UTP18: variants seen among roughly 807,000 people sequenced by gnomAD.
UTP18 encodes the protein U3 small nucleolar RNA-associated protein 18 homolog.
UTP18 carries 36 observed loss-of-function variants against 61.1 expected under a neutral mutation model. The observed-to-expected ratio is 0.59, with a 90% CI of 0.45 to 0.78. The LOEUF (loss-of-function observed/expected upper bound fraction) is 0.78, where lower values mean the gene tolerates loss of function less well. Among genes scored for constraint, UTP18 ranks in the 30% least tolerant of loss-of-function variants. UTP18 has a pLI of 0.00. For missense variants in UTP18, 753 were observed against 693.9 expected, an observed-to-expected ratio of 1.09 and a Z score of -0.96; for synonymous variants, 282 against 251.1, an observed-to-expected ratio of 1.12 and a Z score of -1.16.
At chr17:51,269,729 C>G (rs1436253408) in intron 4 of UTP18, among the ~76,000 whole-genome samples, 2 of 152,142 alleles carry the variant, frequency 1.3e-5, no homozygotes, top group Non-Finnish European at 2.9e-5. Flanking sequence ...GTCTTTGTTT[C>G]TAGCCATTTG....
intron 3 of UTP18, 65 bp downstream of exon 3, chr17:51,266,345 T>A: frequency 8.9e-7 from 1 of 1,117,930 alleles, no homozygotes; most frequent in Non-Finnish European, 1.2e-6. Flanking sequence ...TCATTAACCG[T>A]AACCGCTTCT....
In UTP18 at chr17:51,284,985, C is replaced by T. The variant is rs147000436; in HGVS notation, c.1205-260C>T. On this transcript the variant is annotated intron_variant, in intron 9 of 13. Coordinates refer to ENST00000225298, the MANE Select transcript of UTP18 (RefSeq NM_016001.3). ...CTGAGGCAGGAAAATCACTTGAACC[C>T]GGGAGAAGGAGGTTGCAGTGTGCTG... Among the ~76,000 whole-genome samples, 16 of 151,434 alleles carry T rather than the reference C, an allele frequency of 1.1e-4. No individual in the cohort carries two copies. The East Asian group carries it at 2.3e-3, about 22-fold the overall frequency.
rs1245132126 is a variant in UTP18 at position 51,269,179 on chromosome 17, TGGG to T, written c.622+279_622+281del. On this transcript the variant is annotated intron_variant, in intron 4 of 13. Coordinates refer to ENST00000225298, the MANE Select transcript of UTP18 (RefSeq NM_016001.3). ...GTATGTTCCTGTAGTCCCGACTACT[TGGG>T]GGGCTGAGGTGGGAGGATTGCTTGA... Among the ~76,000 whole-genome samples, 28 of 150,746 alleles carry T rather than the reference TGGG, an allele frequency of 1.9e-4. No homozygotes were observed. In the Admixed American group the frequency reaches 1.9e-3, roughly 10 times the overall value.
Position 51,264,331 on chromosome 17 carries a change from C to T in UTP18, c.455+945C>T, listed in dbSNP as rs2055538014. ...AAAGTGCTGAGATTACAGGCGTGAA[C>T]TGCTGTGCCCAGCCTTATTTTTCCC... On this transcript the variant is annotated intron_variant, in intron 2 of 13. Coordinates refer to ENST00000225298, the MANE Select transcript of UTP18 (RefSeq NM_016001.3). Among the ~76,000 whole-genome samples, 4 of 152,308 alleles carry T rather than the reference C, an allele frequency of 2.6e-5. 1 individual carries two copies. In the South Asian group the frequency reaches 8.3e-4, roughly 32 times the overall value.
At chr17:51,276,672 A>C (rs1022043426) in intron 6 of UTP18, among the ~76,000 whole-genome samples, 50 of 152,340 alleles carry the variant, frequency 3.3e-4, no homozygotes, top group Admixed American at 2.1e-3. Context: ...ACATGGTCAC[A>C]AATGTAACCA....
At chr17:51,274,055 C>G (rs948958095) in intron 5 of UTP18, among the ~76,000 whole-genome samples, 4 of 152,166 alleles carry the variant, frequency 2.6e-5, no homozygotes, top group East Asian at 1.9e-4. Flanking sequence ...TTGCCTGGAT[C>G]CTTAGCCTCA....
At chr17:51,276,886 A>G (rs1211184559) in intron 6 of UTP18, among the ~76,000 whole-genome samples, 2 of 152,010 alleles carry the variant, frequency 1.3e-5, no homozygotes, top group African/African-American at 2.4e-5. Flanking sequence ...AGGGCACGCC[A>G]CCTCCTCAGC....
chr17:51,292,334 C>T (rs974435463), intron 11 of UTP18, among the ~76,000 whole-genome samples: 9 of 152,232 alleles, frequency 5.9e-5, no homozygotes, highest in South Asian at 2.1e-4. Flanking sequence ...CTCATTAGCA[C>T]CATTGCCTTC....
At chr17:51,294,079 C>G (rs1218811548) in intron 12 of UTP18, 34 bp downstream of exon 12, 1 of 1,516,224 alleles carries the variant, frequency 6.6e-7, no homozygotes, top group Non-Finnish European at 8.8e-7. Flanking sequence ...GTCAGAGATA[C>G]CTATAAACTA....
rs1904879534 is a variant in UTP18, at chr17:51,280,534, C to T, written c.1204+55C>T. ...ATATTTTTACATTTTAAATTTTAGG[C>T]CAGGCGCGGTGGCTCACGTGTGTAA... On this transcript the variant is annotated intron_variant, in intron 9 of 13. Transcript: ENST00000225298. 4.6e-5 allele frequency: 73 copies of T among 1,571,872 alleles called. No homozygotes were observed. The South Asian group carries it at 7.8e-4, about 17-fold the overall frequency.
At chr17:51,282,867 C>CTTCTTTTTT (rs753924069) in intron 9 of UTP18, among the ~76,000 whole-genome samples, 2 of 120,696 alleles carry the variant, frequency 1.7e-5, no homozygotes, top group African/African-American at 5.7e-5. Context: ...TCTTCTTCTT[C>CTTCTTTTTT]TTTTTTTTTT....
In UTP18 at chr17:51,260,747, A is replaced by AGC; in HGVS notation, c.167_168dup (p.Ala57ArgfsTer23). 6.3e-7 allele frequency: 1 copy of AGC among 1,584,390 alleles called. No homozygotes were observed. The highest frequency in any genetic ancestry group is 8.6e-7 in the Non-Finnish European group (1 of 1,166,312). ...CCAGCGGAAACCGCCGGCCCGGCCGAGCGCGGCGGCCGCTGCGATTGCAGT... is the reference window on the plus strand; with the variant it reads ...CCAGCGGAAACCGCCGGCCCGGCCGAGCGCGCGGCGGCCGCTGCGATTGCAGT... On this transcript the variant is annotated frameshift_variant, in exon 1 of 14. Transcript: ENST00000225298. LOFTEE classifies it high-confidence loss of function.
At chr17:51,286,828 A>G (rs4794221) in intron 10 of UTP18, among the ~76,000 whole-genome samples, 1 of 152,012 alleles carries the variant, frequency 6.6e-6, no homozygotes, top group Non-Finnish European at 1.5e-5. Context: ...AGTAGTTTTT[A>G]AATTTTTTTT....
At chr17:51,283,492 G>A (rs545668836) in intron 9 of UTP18, among the ~76,000 whole-genome samples, 36 of 152,044 alleles carry the variant, frequency 2.4e-4, no homozygotes, top group African/African-American at 4.1e-4. Context: ...GTATGGAGTC[G>A]TTTGTGTGAT....
chr17:51,282,867 CTTTTTTTTT>C (rs534175274), intron 9 of UTP18, among the ~76,000 whole-genome samples: 5 of 120,696 alleles, frequency 4.1e-5, no homozygotes, highest in Admixed American at 1.8e-4. Context: ...TCTTCTTCTT[CTTTTTTTTT>C]TTTTTTTTTT....
intron 6 of UTP18, among the ~76,000 whole-genome samples, chr17:51,276,514 G>A (rs1170834607): frequency 6.6e-6 from 1 of 152,186 alleles, no homozygotes; most frequent in African/African-American, 2.4e-5. Flanking sequence ...AGAGCAAAGC[G>A]ATAATATAAC....
intron 5 of UTP18, among the ~76,000 whole-genome samples, 191 bp downstream of exon 5, chr17:51,273,641 T>C (rs1904609923): frequency 6.6e-6 from 1 of 151,600 alleles, no homozygotes; most frequent in Admixed American, 6.6e-5. Flanking sequence ...AGAGGTATTA[T>C]GTTCCTATTG....
intron 9 of UTP18, among the ~76,000 whole-genome samples, chr17:51,284,950 A>G (rs974637612): frequency 2.6e-5 from 4 of 151,970 alleles, no homozygotes; most frequent in African/African-American, 9.7e-5. Flanking sequence ...AATCCCAGCT[A>G]CTCGGGAGGC....
intron 9 of UTP18, 75 bp downstream of exon 9, chr17:51,280,554 G>T: frequency 7.1e-7 from 1 of 1,411,708 alleles, no homozygotes; most frequent in Non-Finnish European, 9.9e-7. Flanking sequence ...TGGCTCACGT[G>T]TGTAATCCCA....
Sources: gnomAD v4.1 joint callset for allele counts (sites outside exome capture counted in the v4.1 genomes callset) on GRCh38, gnomAD v4.1.1 for gene constraint, MANE v1.5 for transcripts, NCBI Gene and HGNC (gene_info 2026-07-23, HGNC 2026-07-21) for gene names.